VOPP1: variants seen among roughly 807,000 people sequenced by gnomAD.
VOPP1 encodes VOPP1 WW domain binding protein, also known as WW domain binding protein VOPP1.
Under a neutral mutation model 23.5 loss-of-function variants are expected in VOPP1, and 8 were observed. The observed-to-expected ratio is 0.34, with a 90% CI of 0.20 to 0.61. VOPP1 has a LOEUF of 0.61. Ranked by LOEUF, VOPP1 falls within the 20% of genes least tolerant of loss-of-function variation. VOPP1 has a pLI of 0.78. For synonymous variants in VOPP1, 83 were observed against 97.3 expected (o/e 0.85, Z 0.86); for missense variants, 174 against 238.1 (o/e 0.73, Z 1.77).
intron 2 of VOPP1, among the ~76,000 whole-genome samples, chr7:55,518,995 C>G (rs183250231): frequency 6.6e-6 from 1 of 152,148 alleles, no homozygotes; most frequent in African/African-American, 2.4e-5. Context: ...AGACCAGAGG[C>G]AGAACAGAGA....
intron 4 of VOPP1, among the ~76,000 whole-genome samples, chr7:55,461,500 C>T (rs1554393570): frequency 1.3e-5 from 2 of 152,200 alleles, no homozygotes; most frequent in Non-Finnish European, 2.9e-5. Flanking sequence ...CCACCTCTGC[C>T]TCCTGGGTCC....
chr7:55,553,056 A>G (rs975900323), intron 1 of VOPP1, among the ~76,000 whole-genome samples: 1 of 152,230 alleles, frequency 6.6e-6, no homozygotes, highest in Non-Finnish European at 1.5e-5. Flanking sequence ...AGCAAAAATG[A>G]CAAATGCTTG....
At chr7:55,446,271 G>A (rs1413121814) in intron 4 of VOPP1, among the ~76,000 whole-genome samples, 1 of 152,194 alleles carries the variant, frequency 6.6e-6, no homozygotes, top group East Asian at 1.9e-4. Context: ...GGGATTACAG[G>A]CGTGAGCCAC....
At chr7:55,478,074 T>A (rs893095667) in intron 4 of VOPP1, among the ~76,000 whole-genome samples, 5 of 152,086 alleles carry the variant, frequency 3.3e-5, no homozygotes, top group Admixed American at 1.3e-4. Flanking sequence ...TGGACCCAGT[T>A]CTCACAGAGG....
At chr7:55,443,713 C>T (rs528564996) in intron 4 of VOPP1, among the ~76,000 whole-genome samples, 37 of 146,182 alleles carry the variant, frequency 2.5e-4, no homozygotes, top group Admixed American at 2.1e-3. Flanking sequence ...GACACAATCT[C>T]GGCTCACTGC....
downstream of VOPP1, among the ~76,000 whole-genome samples, chr7:55,469,534 T>C (rs922544277): frequency 6.6e-6 from 1 of 152,174 alleles, no homozygotes; most frequent in African/African-American, 2.4e-5. Flanking sequence ...GTCAGTGGAT[T>C]TGTCGGCGCC....
chr7:55,482,974 C>T (rs1247748303), intron 4 of VOPP1, among the ~76,000 whole-genome samples: 2 of 152,150 alleles, frequency 1.3e-5, no homozygotes, highest in Admixed American at 6.5e-5. Context: ...AATTCCAGTG[C>T]ATTACACAGA....
chr7:55,529,864 T>C (rs1293852369), intron 1 of VOPP1, among the ~76,000 whole-genome samples: 1 of 152,238 alleles, frequency 6.6e-6, no homozygotes, highest in African/African-American at 2.4e-5. Context: ...GTCTGGATTG[T>C]ATGTTGCTGC....
At position 55,521,200 on chromosome 7, in the gene VOPP1, A is replaced by T. The variant is rs180918291; in HGVS notation, c.55-70T>A. On this transcript the variant is annotated intron_variant, in intron 1 of 4. Transcript: ENST00000285279. The stretch of plus-strand genomic sequence containing the variant: ...GCATGTTGTTGAGAAGCTCTCACAA[A>T]GGCAGAAAGAAGGATGAGAAGACAC... 1.2e-5 allele frequency: 17 copies of T among 1,459,134 alleles called. No homozygotes were observed. The African/African-American group carries it at 2.0e-4, about 17-fold the overall frequency. 90.4% of individuals were successfully genotyped at this position (1,459,134 alleles called of 1,614,324 possible).
intron 1 of VOPP1, among the ~76,000 whole-genome samples, chr7:55,531,411 G>A (rs1796491059): frequency 6.8e-6 from 1 of 147,936 alleles, no homozygotes; most frequent in Non-Finnish European, 1.5e-5. Context: ...GTGCAGTGGT[G>A]CGATCTTGGC....
At chr7:55,555,903 A>ATAT (rs1396394159) in intron 1 of VOPP1, among the ~76,000 whole-genome samples, 4 of 152,338 alleles carry the variant, frequency 2.6e-5, no homozygotes, top group Admixed American at 2.6e-4. Flanking sequence ...AAGCAAATAA[A>ATAT]TATAAACGAA....
At chr7:55,546,646 A>G (rs1584095288) in intron 1 of VOPP1, among the ~76,000 whole-genome samples, 2 of 152,246 alleles carry the variant, frequency 1.3e-5, no homozygotes, top group South Asian at 2.1e-4. Context: ...AATTTTCTAT[A>G]AATCTAAACT....
intron 1 of VOPP1, among the ~76,000 whole-genome samples, chr7:55,560,606 C>T (rs927146955): frequency 1.3e-5 from 2 of 152,190 alleles, no homozygotes; most frequent in African/African-American, 4.8e-5. Context: ...ATTGAGCCCA[C>T]TGAGAGCCAT....
chr7:55,559,335 A>G (rs1026198200), intron 1 of VOPP1, among the ~76,000 whole-genome samples: 3 of 152,150 alleles, frequency 2.0e-5, no homozygotes, highest in African/African-American at 7.2e-5. Flanking sequence ...TAGGATGCCT[A>G]CCCTTCCCAT....
chr7:55,449,935 AC>A (rs1791201775), intron 4 of VOPP1, among the ~76,000 whole-genome samples: 1 of 152,126 alleles, frequency 6.6e-6, no homozygotes, highest in Admixed American at 6.5e-5. Context: ...GGAGAAACAA[AC>A]ATGTCACCCT....
chr7:55,460,393 G>T (rs1256650740), intron 4 of VOPP1, among the ~76,000 whole-genome samples: 1 of 152,144 alleles, frequency 6.6e-6, no homozygotes, highest in East Asian at 1.9e-4. Flanking sequence ...TTGATCTAAA[G>T]TCCAGCTTAT....
intron 1 of VOPP1, among the ~76,000 whole-genome samples, chr7:55,535,819 G>A (rs1028445845): frequency 6.6e-6 from 1 of 152,236 alleles, no homozygotes; most frequent in Non-Finnish European, 1.5e-5. Context: ...GCTCAGCACT[G>A]TGTCTGCCAT....
At chr7:55,552,525 T>A in intron 1 of VOPP1, 3 of 1,453,264 alleles carry the variant, frequency 2.1e-6, no homozygotes, top group Non-Finnish European at 2.8e-6. Flanking sequence ...TGCTTACACA[T>A]GCCCAGCAAC....
chr7:55,463,390 T>C (rs748205046), intron 4 of VOPP1, among the ~76,000 whole-genome samples: 1 of 152,248 alleles, frequency 6.6e-6, no homozygotes, highest in Non-Finnish European at 1.5e-5. Context: ...GCATCTGGTG[T>C]AACTGTCTCT....
Sources: gnomAD v4.1 joint callset for allele counts (sites outside exome capture counted in the v4.1 genomes callset) on GRCh38, gnomAD v4.1.1 for gene constraint, MANE v1.5 for transcripts, NCBI Gene and HGNC (gene_info 2026-07-23, HGNC 2026-07-21) for gene names.